ASL: variants seen among roughly 807,000 people sequenced by gnomAD.
ASL encodes the protein argininosuccinate lyase, also known as argininosuccinase.
ASL carries 51 observed loss-of-function variants against 69.1 expected under a neutral mutation model. The ratio of observed to expected loss-of-function variants is 0.74; its 90% CI spans 0.59 to 0.93. The LOEUF (loss-of-function observed/expected upper bound fraction) is 0.93, where lower values mean the gene tolerates loss of function less well. Among genes scored for constraint, ASL ranks in the 40% least tolerant of loss-of-function variants. ASL has a pLI of 0.00. For missense variants in ASL, 540 were observed against 623.9 expected (o/e 0.87, Z 1.43); for synonymous variants, 241 against 247.6 (o/e 0.97, Z 0.25).
intron 15 of ASL, 106 bp downstream of exon 15, chr7:66,092,192 C>T (rs1786867188): frequency 7.4e-7 from 1 of 1,359,900 alleles, no homozygotes; most frequent in Non-Finnish European, 1.0e-6. Context: ...TGGCTCACCC[C>T]TGTAATCCCA....
rs1786509902 is a variant in ASL, at chr7:66,081,804, G to A, written c.14G>A (p.Ser5Asn). 1 of 1,613,186 alleles carries A rather than the reference G, an allele frequency of 6.2e-7. No homozygotes were observed. The highest frequency in any genetic ancestry group is 1.6e-4 in the Middle Eastern group (1 of 6,070). The change falls in exon 3 of 17, where the codon AGT becomes AAT. Residue 5 changes from serine to asparagine, a missense_variant and splice_region_variant. By Grantham distance (46) the Ser-to-Asn change is conservative. Coordinates refer to ENST00000304874, the MANE Select transcript of ASL (RefSeq NM_000048.4). ...AATTGTTCTTGCTCTCCTGGCCAGA[G>A]TGGGAAGCTTTGGGGTGGCCGGTTT... is the stretch of plus-strand genomic sequence containing the variant. MASE[S>N]GKLWGGRFVG...
chr7:66,084,422 A>C (rs1786600517), intron 6 of ASL, among the ~76,000 whole-genome samples: 1 of 152,152 alleles, frequency 6.6e-6, no homozygotes, highest in Admixed American at 6.6e-5. Context: ...TCGGCCTGCC[A>C]AAGTGCTAGG....
intron 2 of ASL, among the ~76,000 whole-genome samples, chr7:66,078,683 G>A (rs1395278174): frequency 6.7e-6 from 1 of 150,130 alleles, no homozygotes; most frequent in East Asian, 1.9e-4. Flanking sequence ...CGCCCAAGCT[G>A]GAGTACAATG....
intron 1 of ASL, 61 bp downstream of exon 1, chr7:66,075,917 G>A (rs1163187990): frequency 4.8e-6 from 4 of 829,500 alleles, no homozygotes; most frequent in Non-Finnish European, 1.9e-6. Context: ...ACCGTGGCGC[G>A]CGCTCACGTC....
At chr7:66,089,570 AG>A in intron 13 of ASL, 41 bp from the exon 14 acceptor site, 2 of 1,607,594 alleles carry the variant, frequency 1.2e-6, no homozygotes, top group Non-Finnish European at 1.7e-6. Context: ...CCTGGGTGCC[AG>A]GGGGCTGCTA....
In ASL at chr7:66,086,578, C is replaced by T. The variant is rs1186068099; in HGVS notation, c.447-7C>T. ...CCACCCGAGCTTCTGCTCCTCCTCTCCCACAGGGAACGTGATGTTCTCTTC... is the reference window on the plus strand; with the variant it reads ...CCACCCGAGCTTCTGCTCCTCCTCTTCCACAGGGAACGTGATGTTCTCTTC... On this transcript the variant is annotated splice_region_variant and splice_polypyrimidine_tract_variant and intron_variant, in intron 6 of 16. Transcript: ENST00000304874. 3 of 1,613,490 alleles carry T rather than the reference C, an allele frequency of 1.9e-6. No homozygotes were observed. In the South Asian group the frequency reaches 3.3e-5, roughly 18 times the overall value.
rs1167406 is a variant in ASL at position 66,091,949 on chromosome 7, G to C, written c.1063-57G>C. ...TGGCAGAGGGGCAGGTCCTGGGCCT[G>C]GCAGCTTCAGATCCCAGGGTCCCCA... On this transcript the variant is annotated intron_variant, in intron 14 of 16. Coordinates refer to ENST00000304874, the MANE Select transcript of ASL (RefSeq NM_000048.4). The C allele has an allele frequency of 0.62, 989,620 of 1,593,558 alleles. 310,240 individuals are homozygous for C. Among genetic ancestry groups the C allele is most frequent in the African/African-American group, 0.74 (55,589 of 74,632 alleles).
At position 66,092,615 on chromosome 7, in the gene ASL, AG is replaced by A. The variant is rs1554328363; in HGVS notation, c.1207del (p.Val403SerfsTer22). On this transcript the variant is annotated frameshift_variant, in exon 16 of 17. Transcript: ENST00000304874. LOFTEE classifies it high-confidence loss of function. ...AAAGCTGTGTTCATGGCCGAGACCAAGGGGGTCGCCCTCAACCAGCTGTCAC... is the reference window on the plus strand; with the variant it reads ...AAAGCTGTGTTCATGGCCGAGACCAAGGGGTCGCCCTCAACCAGCTGTCAC... Reference protein sequence around the residue: ...SGKAVFMAETKGVALNQLSLQ... With the variant: ...SGKAVFMAETXGVALNQLSLQ... 1.9e-6 allele frequency: 3 copies of A among 1,613,238 alleles called. No homozygotes were observed. The highest frequency in any genetic ancestry group is 2.5e-6 in the Non-Finnish European group (3 of 1,180,000).
chr7:66,085,766 G>T (rs574638347), intron 6 of ASL, among the ~76,000 whole-genome samples: 13 of 151,938 alleles, frequency 8.6e-5, no homozygotes, highest in Non-Finnish European at 1.8e-4. Flanking sequence ...CCACCACTAC[G>T]CCCGGCTAAT....
At chr7:66,077,665 G>GT (rs1786385681) in intron 2 of ASL, among the ~76,000 whole-genome samples, 1 of 151,918 alleles carries the variant, frequency 6.6e-6, no homozygotes, top group African/African-American at 2.4e-5. Flanking sequence ...GGAGGCGGAG[G>GT]TTGCAGTGAG....
rs371425050 is a variant in ASL at position 66,090,665 on chromosome 7, A to T, written c.1062+970A>T. On this transcript the variant is annotated intron_variant, in intron 14 of 16. Coordinates refer to ENST00000304874, the MANE Select transcript of ASL (RefSeq NM_000048.4). The stretch of plus-strand genomic sequence containing the variant: ...CCCTATGTACCGACACCCAGCTTCA[A>T]TGATAATCAACTCACGGACATCCTG... Among the ~76,000 whole-genome samples the T allele has an allele frequency of 2.3e-3, 355 of 152,242 alleles. 22 individuals carry two copies. In the South Asian group the frequency reaches 0.071, roughly 31 times the overall value.
chr7:66,088,924 A>G lies in ASL; in HGVS notation c.833+3A>G. 1 of 1,613,574 alleles carries G rather than the reference A, an allele frequency of 6.2e-7. No homozygotes were observed. The highest frequency in any genetic ancestry group is 8.5e-7 in the Non-Finnish European group (1 of 1,179,740). Reference sequence around the variant, plus strand: ...GTGCAGCTCTCAGATGCCTACAGGTAAGCCCTGAACTGCCACCTCCATCTG... The same window carrying G: ...GTGCAGCTCTCAGATGCCTACAGGTGAGCCCTGAACTGCCACCTCCATCTG... On this transcript the variant is annotated splice_donor_region_variant and intron_variant, in intron 11 of 16. Coordinates refer to ENST00000304874, the MANE Select transcript of ASL (RefSeq NM_000048.4).
rs756876333 is a variant in ASL at position 66,089,683 on chromosome 7, C to G, written c.1050C>G (p.Ile350Met). The change falls in exon 14 of 17, where the codon ATC (isoleucine) becomes ATG (methionine). Residue 350 changes from isoleucine (I) to methionine (M), a missense_variant. By Grantham distance (10) the Ile-to-Met change is conservative (BLOSUM62 1). Transcript: ENST00000304874. ...SAVLQVATGV[I>M]STLQIHQENM... ...TGCTCCAGGTGGCCACTGGCGTCAT[C>G]TCTACGCTGCAGGCAAGACATCACC... 2 of 1,613,412 alleles carry G rather than the reference C, an allele frequency of 1.2e-6. No individual in the cohort carries two copies. Among genetic ancestry groups the G allele is most frequent in the African/African-American group, 1.3e-5 (1 of 74,930 alleles).
Position 66,092,995 on chromosome 7 carries a change from G to C in ASL, c.*83G>C, listed in dbSNP as rs1440123171. The stretch of plus-strand genomic sequence containing the variant: ...CCTGCCCCAGCCTGGCTCCCTCGTT[G>C]CTGGGCTTTCGGGGCTGGCCAGTGG... On this transcript the variant is annotated 3_prime_UTR_variant, in exon 17 of 17. Transcript: ENST00000304874. The C allele has an allele frequency of 6.5e-7, 1 of 1,536,792 alleles. No homozygotes were observed. Among genetic ancestry groups the C allele is most frequent in the African/African-American group, 1.4e-5 (1 of 73,098 alleles).
rs146977222 is a variant in ASL, at chr7:66,076,991, G to A, written c.12+898G>A. Among the ~76,000 whole-genome samples, 745 of 152,262 alleles carry A rather than the reference G, an allele frequency of 4.9e-3. 2 individuals are homozygous for A. Among genetic ancestry groups the A allele is most frequent in the Non-Finnish European group, 7.9e-3 (536 of 68,016 alleles). On this transcript the variant is annotated intron_variant, in intron 2 of 16. Transcript: ENST00000304874. Reference sequence around the variant, plus strand: ...GGCAGGGGGGTAGGGCCTGGACTTTGGAGCCAAACAGACTTGGTTTCTGTA... The same window carrying A: ...GGCAGGGGGGTAGGGCCTGGACTTTAGAGCCAAACAGACTTGGTTTCTGTA...
At chr7:66,089,452 A>G (rs1786779175) in intron 13 of ASL, 117 bp downstream of exon 13, 3 of 1,458,180 alleles carry the variant, frequency 2.1e-6, no homozygotes, top group East Asian at 2.5e-5. Context: ...ACACAGCTCC[A>G]TCCGTGGCTG....
intron 2 of ASL, among the ~76,000 whole-genome samples, chr7:66,080,953 G>A (rs1786487214): frequency 6.6e-6 from 1 of 152,182 alleles, no homozygotes; most frequent in Admixed American, 6.5e-5. Context: ...AGGCCTCTTT[G>A]CCTGTCCCTG....
At chr7:66,078,833 C>G (rs906890116) in intron 2 of ASL, among the ~76,000 whole-genome samples, 5 of 151,978 alleles carry the variant, frequency 3.3e-5, no homozygotes, top group East Asian at 1.9e-4. Flanking sequence ...TGAGGTTTCA[C>G]CATGTTGGCC....
chr7:66,092,461 GAAAAA>G (rs67457607), intron 15 of ASL, 91 bp from the exon 16 acceptor site: 13 of 985,544 alleles, frequency 1.3e-5, no homozygotes, highest in South Asian at 2.9e-5. Context: ...GTGTCAAAAA[GAAAAA>G]AAAAAAAAAA....
Sources: allele counts gnomAD v4.1 joint callset (sites outside exome capture counted in the v4.1 genomes callset), GRCh38; gene constraint gnomAD v4.1.1; transcripts MANE v1.5; gene names NCBI Gene and HGNC (gene_info 2026-07-23, HGNC 2026-07-21).